MKKS: variants seen among roughly 807,000 people sequenced by gnomAD.
MKKS encodes MKKS centrosomal shuttling protein.
In MKKS, 29 loss-of-function variants were observed where a neutral mutation model predicts 33.2. The observed-to-expected ratio is 0.87, with a 90% CI of 0.65 to 1.19. The LOEUF is 1.19. MKKS is among the 50% of genes most tolerant of loss of function. The pLI is 0.00. For synonymous variants in MKKS, 260 were observed against 244.0 expected, an observed-to-expected ratio of 1.07 and a Z score of -0.61; for missense variants, 661 against 662.3, an observed-to-expected ratio of 1.00 and a Z score of 0.02.
chr20:10,420,942 G>C lies in MKKS; in HGVS notation c.-648-184C>G, dbSNP rs57612397. ...GAGACATGTCATTGACCCAAAGGGA[G>C]CAGGCAGTCAGCCTTGGGAAACTTA... On this transcript the variant is annotated intron_variant, in intron 1 of 5. Transcript: ENST00000347364. 7.3e-3 allele frequency among the ~76,000 whole-genome samples: 1,109 copies of C among 152,286 alleles called. 24 individuals are homozygous for C. Among genetic ancestry groups the C allele is most frequent in the African/African-American group, 0.025 (1,027 of 41,546 alleles).
At chr20:10,434,061 G>C (rs1229951165) in intron 1 of MKKS, 47 bp downstream of exon 1, 5 of 152,544 alleles carry the variant, frequency 3.3e-5, no homozygotes, top group Non-Finnish European at 7.3e-5. Context: ...CCTCTCTTCG[G>C]CCGGACACAA....
At position 10,401,350 on chromosome 20, in the gene MKKS, G is replaced by T. The variant is rs2064810857; in HGVS notation, c.*3897C>A. Reference sequence around the variant, plus strand: ...ATGATTGGCAAAAACTTCCATTATGGGATACAATAGTTACTAAATGGAAGC... The same window carrying T: ...ATGATTGGCAAAAACTTCCATTATGTGATACAATAGTTACTAAATGGAAGC... On this transcript the variant is annotated 3_prime_UTR_variant, in exon 6 of 6. Coordinates refer to ENST00000347364, the MANE Select transcript of MKKS (RefSeq NM_170784.3). The T allele has an allele frequency of 1.3e-5, 2 of 151,864 alleles. No individual in the cohort carries two copies. The highest frequency in any genetic ancestry group is 1.5e-5 in the Non-Finnish European group (1 of 67,966). The allele number at this position is 151,864 out of a possible 1,614,324, so 9.4% of individuals were successfully genotyped here.
In MKKS at chr20:10,404,463, T is replaced by C. The variant is rs1784452552; in HGVS notation, c.*784A>G. 1 of 151,574 alleles carries C rather than the reference T, an allele frequency of 6.6e-6. No homozygotes were observed. Among genetic ancestry groups the C allele is most frequent in the African/African-American group, 2.4e-5 (1 of 41,210 alleles). 9.4% of individuals were successfully genotyped at this position (151,574 alleles called of 1,614,324 possible). A position where few individuals can be genotyped will look rare whatever the true frequency, so the allele number is the denominator to read the frequency against. On this transcript the variant is annotated 3_prime_UTR_variant, in exon 6 of 6. Coordinates refer to ENST00000347364, the MANE Select transcript of MKKS (RefSeq NM_170784.3). ...AGGGATGCTGCTCAGTAAGCTGTAATGCACAGGGCAGCCTCCGTACAACAA... is the reference window on the plus strand; with the variant it reads ...AGGGATGCTGCTCAGTAAGCTGTAACGCACAGGGCAGCCTCCGTACAACAA...
In MKKS at chr20:10,407,721, C is replaced by T. The variant is rs367980245; in HGVS notation, c.1167G>A (p.Thr389=). The T allele has an allele frequency of 7.1e-5, 115 of 1,613,136 alleles. No individual in the cohort carries two copies. In the African/African-American group the frequency reaches 8.4e-4, roughly 12 times the overall value. ...NDTAWDELKL[T]CQTALHVLQL... ...GCAGGACATGCAGTGCCGTCTGACA[C>T]GTGAGCTAAGAAAAAACCCAAATCA... Residue 389 remains threonine (T), a synonymous_variant, in exon 5 of 6, where the codon ACG becomes ACA. Coordinates refer to ENST00000347364, the MANE Select transcript of MKKS (RefSeq NM_170784.3).
chr20:10,409,196 CTATT>C (rs1231302739), intron 3 of MKKS, among the ~76,000 whole-genome samples: 4 of 147,656 alleles, frequency 2.7e-5, no homozygotes, highest in Non-Finnish European at 4.5e-5. Flanking sequence ...ATGTGACAGG[CTATT>C]TTTTTTTAAA....
intron 1 of MKKS, among the ~76,000 whole-genome samples, chr20:10,430,269 T>C (rs1312298057): frequency 6.6e-6 from 1 of 152,212 alleles, no homozygotes; most frequent in Non-Finnish European, 1.5e-5. Flanking sequence ...TCATACCACC[T>C]GGCTTTGAAT....
In MKKS at chr20:10,409,977, CAAAAAAAAA is replaced by C. The variant is rs58776463; in HGVS notation, c.986-1183_986-1175del. Among the ~76,000 whole-genome samples the C allele has an allele frequency of 5.9e-3, 318 of 54,248 alleles. 2 individuals carry two copies. Among genetic ancestry groups the C allele is most frequent in the Middle Eastern group, 0.053 (2 of 38 alleles). The allele number at this position is 54,248 out of a possible 152,430, so 35.6% of individuals were successfully genotyped here. A position where few individuals can be genotyped will look rare whatever the true frequency, so the allele number is the denominator to read the frequency against. On this transcript the variant is annotated intron_variant, in intron 3 of 5. Coordinates refer to ENST00000347364, the MANE Select transcript of MKKS (RefSeq NM_170784.3). Reference sequence around the variant, plus strand: ...TGGGCAACAGAGCGAGACTTTGTCTCAAAAAAAAAAAAAAAAAAAAAAAAAAAAGCTAAA... The same window carrying C: ...TGGGCAACAGAGCGAGACTTTGTCTCAAAAAAAAAAAAAAAAAAAGCTAAA...
chr20:10,432,076 G>A (rs571069065), intron 1 of MKKS, among the ~76,000 whole-genome samples: 2 of 152,304 alleles, frequency 1.3e-5, no homozygotes, highest in African/African-American at 2.4e-5. Flanking sequence ...GCCAGCCTCC[G>A]TCCATGATTG....
intron 1 of MKKS, among the ~76,000 whole-genome samples, chr20:10,428,149 C>G (rs1336242592): frequency 6.6e-6 from 1 of 152,216 alleles, no homozygotes; most frequent in Non-Finnish European, 1.5e-5. Flanking sequence ...GAAGTGAAAA[C>G]TAGCTTACCA....
intron 1 of MKKS, among the ~76,000 whole-genome samples, chr20:10,423,317 G>A (rs554068033): frequency 2.0e-5 from 3 of 152,244 alleles, no homozygotes; most frequent in South Asian, 2.1e-4. Context: ...TGCGTGGGGG[G>A]TGCTGAGGTA....
intron 2 of MKKS, among the ~76,000 whole-genome samples, chr20:10,414,970 TAAC>T (rs1400997408): frequency 6.6e-6 from 1 of 152,202 alleles, no homozygotes; most frequent in Non-Finnish European, 1.5e-5. Flanking sequence ...ATATGCTGGA[TAAC>T]AACAACAATA....
At chr20:10,423,229 AGGCAACGT>A (rs2064993535) in intron 1 of MKKS, among the ~76,000 whole-genome samples, 1 of 152,082 alleles carries the variant, frequency 6.6e-6, no homozygotes, top group Non-Finnish European at 1.5e-5. Flanking sequence ...ACTTGAGCCT[AGGCAACGT>A]GGCAAAACCC....
At chr20:10,419,772 C>T (rs1458103506) in intron 2 of MKKS, among the ~76,000 whole-genome samples, 2 of 152,116 alleles carry the variant, frequency 1.3e-5, no homozygotes, top group Non-Finnish European at 2.9e-5. Context: ...TCACATCCTG[C>T]GTGGATGAAG....
chr20:10,433,010 T>G (rs1042519440), intron 1 of MKKS, among the ~76,000 whole-genome samples: 5 of 152,136 alleles, frequency 3.3e-5, no homozygotes, highest in African/African-American at 1.2e-4. Flanking sequence ...AGAATGTTTT[T>G]ATTTATTTAT....
chr20:10,427,689 G>A (rs1413840308), intron 1 of MKKS, among the ~76,000 whole-genome samples: 4 of 152,126 alleles, frequency 2.6e-5, no homozygotes, highest in Admixed American at 6.6e-5. Flanking sequence ...GAACTGACAT[G>A]GTAAACAGAA....
intron 3 of MKKS, among the ~76,000 whole-genome samples, chr20:10,411,577 C>T (rs1345041980): frequency 6.6e-6 from 1 of 152,308 alleles, no homozygotes; most frequent in Admixed American, 6.5e-5. Context: ...CTACTTTTGA[C>T]AGTCATTTGA....
chr20:10,428,939 G>A (rs2065035344), intron 1 of MKKS, among the ~76,000 whole-genome samples: 1 of 152,042 alleles, frequency 6.6e-6, no homozygotes. Context: ...CTGTGTCTTT[G>A]GGGTTCTAAC....
At chr20:10,419,339 C>T (rs937012562) in intron 2 of MKKS, among the ~76,000 whole-genome samples, 4 of 151,948 alleles carry the variant, frequency 2.6e-5, no homozygotes, top group African/African-American at 7.3e-5. Context: ...TTTATAAATA[C>T]AATATAGTGT....
rs1226912738 is a variant in MKKS at position 10,403,716 on chromosome 20, C to A, written c.*1531G>T. 1 of 152,178 alleles carries A rather than the reference C, an allele frequency of 6.6e-6. No individual in the cohort carries two copies. 9.4% of individuals were successfully genotyped at this position (152,178 alleles called of 1,614,324 possible). A position where few individuals can be genotyped will look rare whatever the true frequency, so the allele number is the denominator to read the frequency against. Reference sequence around the variant, plus strand: ...AAGGAGTCACTAAGTCTAGCCCATGCTCAAGGGGAGGAAATTATGCAAGGT... The same window carrying A: ...AAGGAGTCACTAAGTCTAGCCCATGATCAAGGGGAGGAAATTATGCAAGGT... On this transcript the variant is annotated 3_prime_UTR_variant, in exon 6 of 6. Coordinates refer to ENST00000347364, the MANE Select transcript of MKKS (RefSeq NM_170784.3).
Sources: allele counts gnomAD v4.1 joint callset (sites outside exome capture counted in the v4.1 genomes callset), GRCh38; gene constraint gnomAD v4.1.1; transcripts MANE v1.5; gene names NCBI Gene and HGNC (gene_info 2026-07-23, HGNC 2026-07-21).